Variants in ST7 observed in about 807,000 individuals in gnomAD.
ST7 encodes suppression of tumorigenicity 7, also known as suppressor of tumorigenicity 7 protein.
Under a neutral mutation model 78.7 loss-of-function variants are expected in ST7, and 28 were observed. That is an observed-to-expected ratio of 0.36 (90% CI 0.26 to 0.49). The LOEUF (loss-of-function observed/expected upper bound fraction) is 0.49, where lower values mean the gene tolerates loss of function less well. Among genes scored for constraint, ST7 ranks in the 20% least tolerant of loss-of-function variants. The probability of loss-of-function intolerance (pLI) is 0.99; values close to 1 mark genes in which losing one functional copy is unlikely to be tolerated. For missense variants in ST7, 418 were observed against 696.0 expected (o/e 0.60, Z 4.49); for synonymous variants, 247 against 249.6 (o/e 0.99, Z 0.10).
chr7:117,020,484 A>G, intron 1 of ST7: 4 of 1,185,328 alleles, frequency 3.4e-6, no homozygotes, highest in Middle Eastern at 3.9e-4. Flanking sequence ...GTCTGGCTTC[A>G]TGACCCCTGC....
At chr7:117,201,334 TAA>T (rs1185662635) in intron 12 of ST7, among the ~76,000 whole-genome samples, 1 of 152,088 alleles carries the variant, frequency 6.6e-6, no homozygotes, top group Non-Finnish European at 1.5e-5. Flanking sequence ...ATAGGAAGTT[TAA>T]GTCTCTTTCT....
chr7:117,048,138 C>A (rs1027677501), intron 1 of ST7, among the ~76,000 whole-genome samples: 8 of 151,988 alleles, frequency 5.3e-5, no homozygotes, highest in African/African-American at 1.7e-4. Flanking sequence ...TCTTCTTCAT[C>A]ATTTTCATGT....
intron 2 of ST7, among the ~76,000 whole-genome samples, chr7:117,102,110 T>C (rs1584664310): frequency 6.6e-6 from 1 of 152,370 alleles, no homozygotes; most frequent in East Asian, 1.9e-4. Flanking sequence ...ATGTAAGGAC[T>C]GTATTTTATT....
intron 1 of ST7, among the ~76,000 whole-genome samples, chr7:117,007,766 T>C (rs1227918888): frequency 1.3e-5 from 2 of 152,200 alleles, no homozygotes; most frequent in African/African-American, 4.8e-5. Context: ...CAGAATTCTT[T>C]TCATTTTACG....
intron 1 of ST7, among the ~76,000 whole-genome samples, chr7:117,035,770 T>C (rs1193535449): frequency 6.6e-6 from 1 of 152,202 alleles, no homozygotes; most frequent in African/African-American, 2.4e-5. Flanking sequence ...TCTCCTCTTC[T>C]TTGGCATTGA....
At chr7:116,990,066 G>A (rs1158974157) in intron 1 of ST7, among the ~76,000 whole-genome samples, 3 of 152,052 alleles carry the variant, frequency 2.0e-5, no homozygotes, top group African/African-American at 7.2e-5. Context: ...TCAGCCTCCT[G>A]AGTAGCTGGG....
intron 1 of ST7, among the ~76,000 whole-genome samples, chr7:117,032,653 A>G (rs1796663172): frequency 1.3e-5 from 2 of 152,176 alleles, no homozygotes. Flanking sequence ...AAGTCCTTAA[A>G]CTTGAAGCCA....
chr7:116,962,690 T>C (rs992623205), intron 1 of ST7, among the ~76,000 whole-genome samples: 4 of 152,226 alleles, frequency 2.6e-5, no homozygotes, highest in African/African-American at 9.6e-5. Flanking sequence ...ATATTAGACT[T>C]GGGCAGATGG....
intron 10 of ST7, among the ~76,000 whole-genome samples, chr7:117,188,986 T>C (rs192234761): frequency 3.7e-4 from 57 of 152,316 alleles, no homozygotes; most frequent in Middle Eastern, 3.4e-3. Context: ...GTCTTTCACA[T>C]CAAGGATATT....
chr7:117,064,807 T>G (rs1261579468), intron 1 of ST7, among the ~76,000 whole-genome samples: 1 of 152,192 alleles, frequency 6.6e-6, no homozygotes, highest in East Asian at 1.9e-4. Context: ...TGCAAAAATT[T>G]TAAGAGTTTC....
intron 10 of ST7, among the ~76,000 whole-genome samples, chr7:117,175,974 T>C (rs922939984): frequency 6.6e-6 from 1 of 152,172 alleles, no homozygotes; most frequent in Non-Finnish European, 1.5e-5. Context: ...ATAGGACATA[T>C]AGATATTTGA....
intron 1 of ST7, among the ~76,000 whole-genome samples, chr7:116,977,198 T>C (rs1793744251): frequency 6.6e-6 from 1 of 152,256 alleles, no homozygotes; most frequent in Non-Finnish European, 1.5e-5. Flanking sequence ...GTGTATATGA[T>C]GCATTCGTAA....
intron 1 of ST7, among the ~76,000 whole-genome samples, chr7:117,040,095 T>C (rs1488441897): frequency 2.0e-5 from 3 of 152,176 alleles, no homozygotes; most frequent in African/African-American, 7.2e-5. Context: ...AGCTAGAGGC[T>C]GGGCTCGGTG....
intron 9 of ST7, among the ~76,000 whole-genome samples, chr7:117,150,620 T>A (rs1427023875): frequency 6.6e-6 from 1 of 152,200 alleles, no homozygotes; most frequent in Non-Finnish European, 1.5e-5. Context: ...GGCTGCAGCC[T>A]CTGCCTGGGC....
intron 1 of ST7, among the ~76,000 whole-genome samples, chr7:117,091,657 A>G (rs1053386055): frequency 6.6e-6 from 1 of 152,210 alleles, no homozygotes; most frequent in Admixed American, 6.5e-5. Flanking sequence ...ATTAGCCAGC[A>G]TTATCAGATG....
chr7:117,207,980 A>G (rs1168625710), intron 12 of ST7, among the ~76,000 whole-genome samples: 1 of 152,024 alleles, frequency 6.6e-6, no homozygotes, highest in Non-Finnish European at 1.5e-5. Flanking sequence ...TAAGACTATC[A>G]CTGGCAGTAG....
intron 1 of ST7, among the ~76,000 whole-genome samples, chr7:117,038,018 T>A (rs1290672935): frequency 1.3e-5 from 2 of 152,224 alleles, no homozygotes; most frequent in African/African-American, 2.4e-5. Flanking sequence ...TGATGGTAGA[T>A]GTTTGACAAT....
At chr7:117,011,865 A>G (rs974942749) in intron 1 of ST7, among the ~76,000 whole-genome samples, 1 of 152,150 alleles carries the variant, frequency 6.6e-6, no homozygotes, top group Non-Finnish European at 1.5e-5. Context: ...TGAGATGGAG[A>G]TAGAGAAAAT....
Position 116,962,646 on chromosome 7 carries a change from T to C in ST7, c.151+8955T>C, listed in dbSNP as rs147302442. ...TTTAATGGGGCTGTTTGATTTTTTC[T>C]TGTAAATTTGTTTAAGTTCCTTGTA... is the stretch of plus-strand genomic sequence containing the variant. On this transcript the variant is annotated intron_variant, in intron 1 of 15. Coordinates refer to ENST00000323984, the MANE Select transcript of ST7 (RefSeq NM_001369598.1). Among the ~76,000 whole-genome samples, 80 of 152,370 alleles carry C rather than the reference T, an allele frequency of 5.3e-4. 1 individual carries two copies. Among genetic ancestry groups the C allele is most frequent in the African/African-American group, 1.9e-3 (78 of 41,594 alleles).
Sources: gnomAD v4.1 joint callset for allele counts (sites outside exome capture counted in the v4.1 genomes callset) on GRCh38, gnomAD v4.1.1 for gene constraint, MANE v1.5 for transcripts, NCBI Gene and HGNC (gene_info 2026-07-23, HGNC 2026-07-21) for gene names.